PCGF3: variants seen among roughly 807,000 people sequenced by gnomAD.
The protein encoded by PCGF3 is polycomb group RING finger protein 3.
A neutral mutation model predicts 33.1 loss-of-function variants in PCGF3; 7 were observed. That is an observed-to-expected ratio of 0.21 (90% CI 0.12 to 0.40). The LOEUF is 0.40. PCGF3 is among the 10% of genes least tolerant of loss of function. The pLI, the probability that PCGF3 is intolerant of heterozygous loss-of-function variation, is 1.00. For synonymous variants in PCGF3, 153 were observed against 121.3 expected, an observed-to-expected ratio of 1.26 and a Z score of -1.72; for missense variants, 211 against 313.3, an observed-to-expected ratio of 0.67 and a Z score of 2.46.
intron 1 of PCGF3, among the ~76,000 whole-genome samples, chr4:709,691 C>T (rs1490093383): frequency 6.6e-6 from 1 of 152,208 alleles, no homozygotes; most frequent in Admixed American, 6.5e-5. Context: ...TATCTAGACT[C>T]CCAAGAGAGA....
intron 10 of PCGF3, among the ~76,000 whole-genome samples, chr4:765,336 G>C (rs1022163134): frequency 1.3e-5 from 2 of 152,156 alleles, no homozygotes; most frequent in African/African-American, 4.8e-5. Flanking sequence ...AGGAGGCTGA[G>C]GCAGGAGAAT....
intron 10 of PCGF3, among the ~76,000 whole-genome samples, chr4:765,265 C>A (rs1351304020): frequency 6.6e-6 from 1 of 152,194 alleles, no homozygotes; most frequent in African/African-American, 2.4e-5. Flanking sequence ...AACCCAATCT[C>A]TACTAAAAAT....
At position 765,191 on chromosome 4, in the gene PCGF3, T is replaced by C. The variant is rs537011792; in HGVS notation, c.681+127T>C. 23 of 653,616 alleles carry C rather than the reference T, an allele frequency of 3.5e-5. No individual in the cohort carries two copies. In the East Asian group the frequency reaches 6.2e-4, roughly 18 times the overall value. The allele number at this position is 653,616 out of a possible 1,614,324, so 40.5% of individuals were successfully genotyped here. A position where few individuals can be genotyped will look rare whatever the true frequency, so the allele number is the denominator to read the frequency against. On this transcript the variant is annotated intron_variant, in intron 10 of 10. Transcript: ENST00000362003. ...GCTCATGCCTGTAATCCCAGCACTTTGGGAGGACGAGGCGGGCGGATCACG... is the reference window on the plus strand; with the variant it reads ...GCTCATGCCTGTAATCCCAGCACTTCGGGAGGACGAGGCGGGCGGATCACG...
At chr4:735,146 C>G in intron 5 of PCGF3, 119 bp downstream of exon 5, 2 of 1,164,654 alleles carry the variant, frequency 1.7e-6, no homozygotes, top group Non-Finnish European at 2.4e-6. Context: ...AGCAGCCTCT[C>G]CTGACCAAGG....
In PCGF3 at chr4:760,717, G is replaced by T. The variant is rs188278436; in HGVS notation, c.463-562G>T. Reference sequence around the variant, plus strand: ...CGGCCGGGCCCTTGGGTGAAGCCTCGTCCTGGGCAGATTCCTTTTCGCACC... The same window carrying T: ...CGGCCGGGCCCTTGGGTGAAGCCTCTTCCTGGGCAGATTCCTTTTCGCACC... On this transcript the variant is annotated intron_variant, in intron 8 of 10. Transcript: ENST00000362003. 3.4e-3 allele frequency among the ~76,000 whole-genome samples: 525 copies of T among 152,342 alleles called. 3 individuals carry two copies. Among genetic ancestry groups the T allele is most frequent in the Non-Finnish European group, 5.5e-3 (373 of 68,036 alleles).
intron 1 of PCGF3, among the ~76,000 whole-genome samples, chr4:712,141 A>T (rs745618791): frequency 7.9e-5 from 12 of 152,222 alleles, no homozygotes; most frequent in Non-Finnish European, 1.3e-4. Flanking sequence ...TTAATTTCAT[A>T]CATTGATAGT....
chr4:758,825 G>A (rs1194257561), intron 8 of PCGF3, among the ~76,000 whole-genome samples: 5 of 15,132 alleles, frequency 3.3e-4, no homozygotes, highest in African/African-American at 1.0e-3. Flanking sequence ...TCCGGACTCC[G>A]GGTCTTTCTC....
intron 8 of PCGF3, among the ~76,000 whole-genome samples, chr4:751,173 C>T (rs774179526): frequency 2.0e-5 from 3 of 152,030 alleles, no homozygotes; most frequent in Non-Finnish European, 2.9e-5. Context: ...ACTTGGATTC[C>T]GTGTCCGTTT....
At chr4:732,668 C>T (rs1426317482) in intron 3 of PCGF3, among the ~76,000 whole-genome samples, 2 of 152,184 alleles carry the variant, frequency 1.3e-5, no homozygotes, top group Non-Finnish European at 2.9e-5. Context: ...GAGCTCCAGG[C>T]TGGGCCTCTT....
rs1744367020 is a variant in PCGF3, at chr4:748,438, A to G, written c.462+3750A>G. ...TGGTCTCGAACTTCTGGCCCGCCTC[A>G]GCCTCCCAAAGTGCTGGGGTTACAG... is the stretch of plus-strand genomic sequence containing the variant. On this transcript the variant is annotated intron_variant, in intron 8 of 10. Coordinates refer to ENST00000362003, the Ensembl canonical transcript of PCGF3. Among the ~76,000 whole-genome samples the G allele has an allele frequency of 2.6e-5, 4 of 152,168 alleles. No individual in the cohort carries two copies. In the South Asian group the frequency reaches 8.3e-4, roughly 31 times the overall value.
chr4:753,993 G>A (rs767535518), intron 8 of PCGF3, among the ~76,000 whole-genome samples: 13 of 152,190 alleles, frequency 8.5e-5, no homozygotes, highest in Non-Finnish European at 1.8e-4. Flanking sequence ...GACTTCAGGG[G>A]CGTTCTGGGT....
chr4:706,271 C>A (rs983588169), intron 1 of PCGF3, among the ~76,000 whole-genome samples: 4 of 149,962 alleles, frequency 2.7e-5, no homozygotes, highest in Non-Finnish European at 5.9e-5. Context: ...GGCAAGACCC[C>A]AGCCCAGGCA....
In PCGF3 at chr4:718,562, C is replaced by T. The variant is rs184324281; in HGVS notation, c.-189-12068C>T. On this transcript the variant is annotated intron_variant, in intron 1 of 10. Coordinates refer to ENST00000362003, the Ensembl canonical transcript of PCGF3. ...TGTCAGCCCAGCAGTGAGGCCTGTCCAGTCTCAGCCCTGTCCGTGTGAGTG... is the reference window on the plus strand; with the variant it reads ...TGTCAGCCCAGCAGTGAGGCCTGTCTAGTCTCAGCCCTGTCCGTGTGAGTG... Among the ~76,000 whole-genome samples, 605 of 152,386 alleles carry T rather than the reference C, an allele frequency of 4.0e-3. 1 individual carries two copies. Among genetic ancestry groups the T allele is most frequent in the Non-Finnish European group, 6.4e-3 (434 of 68,044 alleles).
intron 8 of PCGF3, 90 bp from the exon 9 acceptor site, chr4:761,189 T>G: frequency 1.1e-5 from 12 of 1,114,680 alleles, no homozygotes; most frequent in South Asian, 1.8e-5. Context: ...AGTCCTAGAT[T>G]GAGGAATTAG....
At chr4:730,780 C>T (rs78196820) in intron 2 of PCGF3, 112 bp downstream of exon 2, 21,025 of 373,470 alleles carry the variant, frequency 0.056, 724 homozygotes, top group East Asian at 0.13. Flanking sequence ...GCCTCTGAAA[C>T]GCAGGCTCTG....
intron 9 of PCGF3, among the ~76,000 whole-genome samples, chr4:763,733 G>C (rs181670040): frequency 6.6e-6 from 1 of 152,270 alleles, no homozygotes. Context: ...GAAATCTCCT[G>C]CCCACACAAA....
rs564882358 is a variant in PCGF3, at chr4:721,774, T to A, written c.-189-8856T>A. Among the ~76,000 whole-genome samples, 77 of 96,166 alleles carry A rather than the reference T, an allele frequency of 8.0e-4. No individual in the cohort carries two copies. The highest frequency in any genetic ancestry group is 5.8e-3 in the South Asian group (15 of 2,594). 63.1% of individuals were successfully genotyped at this position (96,166 alleles called of 152,430 possible). ...GAGGGGCCTGTGGGAGGTGGATGGG[T>A]TGGGTGGCTCTGTGTATGGGCATGG... On this transcript the variant is annotated intron_variant, in intron 1 of 10. Transcript: ENST00000362003. The surrounding 1 kb of genome is among the most constrained non-coding windows in gnomAD (Gnocchi z 4.1).
At chr4:734,649 C>G (rs560576526) in intron 4 of PCGF3, 4 of 1,273,736 alleles carry the variant, frequency 3.1e-6, no homozygotes, top group Admixed American at 3.7e-5. Context: ...ACAGCTCTGT[C>G]ACCTTTGAGC....
chr4:756,769 C>T (rs1744786478), intron 8 of PCGF3, among the ~76,000 whole-genome samples: 2 of 152,298 alleles, frequency 1.3e-5, no homozygotes, highest in East Asian at 1.9e-4. Flanking sequence ...GCTCTGCCCC[C>T]ATTAAACACT....
Sources: allele counts gnomAD v4.1 joint callset (sites outside exome capture counted in the v4.1 genomes callset), GRCh38; gene constraint gnomAD v4.1.1; non-coding constraint Gnocchi (gnomAD v3.1); transcripts MANE v1.5; gene names NCBI Gene and HGNC (gene_info 2026-07-23, HGNC 2026-07-21).